DLGAP2: variants seen among roughly 807,000 people sequenced by gnomAD.
DLGAP2 encodes DLG associated protein 2, also known as disks large-associated protein 2.
A neutral mutation model predicts 100.3 loss-of-function variants in DLGAP2; 26 were observed. The observed-to-expected ratio is 0.26, with a 90% confidence interval of 0.19 to 0.36. The LOEUF is 0.36. DLGAP2 is among the 10% of genes least tolerant of loss of function. The pLI, the probability that DLGAP2 is intolerant of heterozygous loss-of-function variation, is 1.00. For missense variants in DLGAP2, 1,858 were observed against 1,453.2 expected (o/e 1.28, Z -4.53); for synonymous variants, 886 against 630.1 (o/e 1.41, Z -6.08).
chr8:748,868 A>G (rs1221232064), intron 1 of DLGAP2, among the ~76,000 whole-genome samples: 2 of 152,258 alleles, frequency 1.3e-5, no homozygotes, highest in Non-Finnish European at 2.9e-5. Context: ...GTTGGCTGCC[A>G]GATCTTTGCT....
At chr8:1,564,439 C>T (rs1262655024) in intron 5 of DLGAP2, among the ~76,000 whole-genome samples, 1 of 152,148 alleles carries the variant, frequency 6.6e-6, no homozygotes, top group Non-Finnish European at 1.5e-5. Flanking sequence ...CCTGTGGGGC[C>T]GTTATGGGTG....
At chr8:919,488 GA>G (rs1798664083) in intron 2 of DLGAP2, among the ~76,000 whole-genome samples, 1 of 152,096 alleles carries the variant, frequency 6.6e-6, no homozygotes, top group East Asian at 1.9e-4. Context: ...GAGCTCCAAG[GA>G]AAGGCAAGTC....
At chr8:935,731 C>T (rs980834295) in intron 2 of DLGAP2, among the ~76,000 whole-genome samples, 20 of 152,206 alleles carry the variant, frequency 1.3e-4, no homozygotes, top group South Asian at 2.1e-4. Flanking sequence ...AGGAGCCGTG[C>T]GTCCTGCTCT....
intron 3 of DLGAP2, among the ~76,000 whole-genome samples, chr8:1,433,339 C>G (rs1255353627): frequency 6.6e-6 from 1 of 152,230 alleles, no homozygotes; most frequent in African/African-American, 2.4e-5. Context: ...GCATCCAGTC[C>G]TAGGAGTGCA....
Position 1,167,051 on chromosome 8 carries a change from G to A in DLGAP2, c.74-91800G>A, listed in dbSNP as rs1436130450. Among the ~76,000 whole-genome samples, 11 of 152,158 alleles carry A rather than the reference G, an allele frequency of 7.2e-5. No homozygotes were observed. In the East Asian group the frequency reaches 9.7e-4, roughly 13 times the overall value. On this transcript the variant is annotated intron_variant, in intron 2 of 14. Transcript: ENST00000637795. ...ATCTGTAGGCTGAGGTGGGAGGATC[G>A]CTTGAGCCCGGGAGGTTGAGGCTGC... is the stretch of plus-strand genomic sequence containing the variant.
intron 2 of DLGAP2, among the ~76,000 whole-genome samples, chr8:1,053,116 T>G (rs143371472): frequency 3.5e-3 from 527 of 152,302 alleles, no homozygotes; most frequent in Non-Finnish European, 5.6e-3. Flanking sequence ...AATTTCGCAA[T>G]GGAAAAGAGG....
intron 2 of DLGAP2, among the ~76,000 whole-genome samples, chr8:1,241,567 G>T (rs570333096): frequency 5.3e-5 from 8 of 152,356 alleles, no homozygotes; most frequent in African/African-American, 9.6e-5. Context: ...CTTTGATCCA[G>T]TTCTCTCCTG....
At chr8:1,519,770 T>C (rs1469209623) in intron 4 of DLGAP2, among the ~76,000 whole-genome samples, 1 of 152,236 alleles carries the variant, frequency 6.6e-6, no homozygotes, top group African/African-American at 2.4e-5. Context: ...GTCAGCATCC[T>C]GGGGACCTGG....
intron 1 of DLGAP2, chr8:893,004 T>C (rs1798067720): frequency 6.6e-6 from 1 of 150,960 alleles, no homozygotes; most frequent in African/African-American, 2.4e-5. Context: ...GGTTCCAGGA[T>C]CAAGCTCTGG....
chr8:1,613,334 C>G (rs1161539628), intron 6 of DLGAP2, among the ~76,000 whole-genome samples: 2 of 150,076 alleles, frequency 1.3e-5, no homozygotes, highest in East Asian at 2.0e-4. Flanking sequence ...TAGGTGGGAA[C>G]TGAACAATTA....
chr8:1,532,943 G>A (rs1262722478), intron 4 of DLGAP2, among the ~76,000 whole-genome samples: 1 of 152,068 alleles, frequency 6.6e-6, no homozygotes, highest in Non-Finnish European at 1.5e-5. Context: ...ATGCCCCACG[G>A]TGAAATCACA....
intron 2 of DLGAP2, among the ~76,000 whole-genome samples, chr8:1,105,373 G>T (rs1209902923): frequency 6.6e-6 from 1 of 152,188 alleles, no homozygotes; most frequent in Non-Finnish European, 1.5e-5. Context: ...TGAAGGAGGA[G>T]ATAGTGCTGG....
chr8:778,235 TTA>T (rs1363814055), intron 1 of DLGAP2, among the ~76,000 whole-genome samples: 1 of 152,170 alleles, frequency 6.6e-6, no homozygotes, highest in Non-Finnish European at 1.5e-5. Flanking sequence ...GTTATTCTAG[TTA>T]TACATTCTTC....
chr8:1,176,980 G>A lies in DLGAP2; in HGVS notation c.74-81871G>A, dbSNP rs528661146. On this transcript the variant is annotated intron_variant, in intron 2 of 14. Transcript: ENST00000637795. ...CAAGCAAGTCACGGTTCACACAAGC[G>A]GTGGCCAGGCTCTGGAAACTGGGAA... 6.6e-5 allele frequency among the ~76,000 whole-genome samples: 10 copies of A among 152,302 alleles called. No homozygotes were observed. The East Asian group carries it at 9.6e-4, about 15-fold the overall frequency.
chr8:1,678,092 C>G (rs1016490435), intron 11 of DLGAP2, 122 bp from the exon 12 acceptor site: 71 of 1,101,558 alleles, frequency 6.4e-5, no homozygotes, highest in Non-Finnish European at 8.5e-5. Context: ...CAAAACACTA[C>G]CTGCCCTTGA....
intron 2 of DLGAP2, among the ~76,000 whole-genome samples, chr8:961,930 C>G (rs1799734118): frequency 1.3e-5 from 2 of 152,170 alleles, no homozygotes; most frequent in Admixed American, 1.3e-4. Flanking sequence ...GCTGGCAAGG[C>G]CGATCAATAT....
chr8:1,043,450 T>TGTAGGTGGTGGCTG (rs1354723761), intron 2 of DLGAP2, among the ~76,000 whole-genome samples: 3 of 151,290 alleles, frequency 2.0e-5, no homozygotes, highest in Non-Finnish European at 4.4e-5. Flanking sequence ...GGGTGGTGGA[T>TGTAGGTGGTGGCTG]GTAGGTGGTG....
chr8:1,124,981 C>T (rs1381205283), intron 2 of DLGAP2, among the ~76,000 whole-genome samples: 1 of 152,158 alleles, frequency 6.6e-6, no homozygotes, highest in Non-Finnish European at 1.5e-5. Context: ...TGCTCTGCCC[C>T]CACACGGAGG....
chr8:1,380,949 A>C (rs1563117096), intron 3 of DLGAP2: 1 of 139,324 alleles, frequency 7.2e-6, no homozygotes, highest in Non-Finnish European at 1.5e-5. Flanking sequence ...AAAAAAAAAA[A>C]AAAAAAAAAA....
Sources: gnomAD v4.1 joint callset for allele counts (sites outside exome capture counted in the v4.1 genomes callset) on GRCh38, gnomAD v4.1.1 for gene constraint, MANE v1.5 for transcripts, NCBI Gene and HGNC (gene_info 2026-07-23, HGNC 2026-07-21) for gene names.